Variants in ABCC9 observed in about 807,000 individuals in gnomAD.
ABCC9 encodes ATP-binding cassette sub-family C member 9.
A neutral mutation model predicts 188.3 loss-of-function variants in ABCC9; 95 were observed. That is an observed-to-expected ratio of 0.50 (90% confidence interval 0.43 to 0.60). The LOEUF (loss-of-function observed/expected upper bound fraction) is 0.60, where lower values mean the gene tolerates loss of function less well. Among genes scored for constraint, ABCC9 ranks in the 20% least tolerant of loss-of-function variants. The pLI is 0.00. For missense variants in ABCC9, 1,102 were observed against 1,876.3 expected (o/e 0.59, Z 7.62); for synonymous variants, 659 against 652.7 (o/e 1.01, Z -0.15).
intron 35 of ABCC9, among the ~76,000 whole-genome samples, chr12:21,813,311 T>A (rs980431529): frequency 2.6e-5 from 4 of 152,192 alleles, no homozygotes; most frequent in African/African-American, 9.6e-5. Context: ...GTTAATCCTA[T>A]CACTTTTGTG....
At chr12:21,828,917 C>G in intron 31 of ABCC9, 41 bp downstream of exon 31, 1 of 1,526,562 alleles carries the variant, frequency 6.6e-7, no homozygotes, top group Non-Finnish European at 9.1e-7. Context: ...CAGGCGTCTT[C>G]TCTATTTGGT....
In ABCC9 at chr12:21,902,641, AC is replaced by A. The variant is rs1025468320; in HGVS notation, c.1618+3484del. Among the ~76,000 whole-genome samples, 29 of 152,332 alleles carry A rather than the reference AC, an allele frequency of 1.9e-4. No homozygotes were observed. The East Asian group carries it at 4.0e-3, about 21-fold the overall frequency. On this transcript the variant is annotated intron_variant, in intron 12 of 39. Transcript: ENST00000261200. Reference sequence around the variant, plus strand: ...CACTGATCCCACAGAAATACAAACTACCATCAGAGAATACTATAAACACCTC... The same window carrying A: ...CACTGATCCCACAGAAATACAAACTACATCAGAGAATACTATAAACACCTC...
In ABCC9 at chr12:21,908,762, C is replaced by T. The variant is rs148475341; in HGVS notation, c.1321-551G>A. 5.9e-5 allele frequency among the ~76,000 whole-genome samples: 9 copies of T among 152,038 alleles called. No homozygotes were observed. The East Asian group carries it at 1.7e-3, about 29-fold the overall frequency. Reference sequence around the variant, plus strand: ...CAGAAATCACTTACTGACAAGAAGGCTGACGGTAACTAAAACTGTTAAAAA... The same window carrying T: ...CAGAAATCACTTACTGACAAGAAGGTTGACGGTAACTAAAACTGTTAAAAA... On this transcript the variant is annotated intron_variant, in intron 10 of 39. Coordinates refer to ENST00000261200, the MANE Select transcript of ABCC9 (RefSeq NM_020297.4).
At chr12:21,883,831 A>G (rs1264438444) in intron 15 of ABCC9, among the ~76,000 whole-genome samples, 1 of 152,134 alleles carries the variant, frequency 6.6e-6, no homozygotes, top group East Asian at 1.9e-4. Flanking sequence ...TAGTCAATGG[A>G]CTAAAACATC....
rs961216689 is a variant in ABCC9 at position 21,925,795 on chromosome 12, T to C, written c.406+147A>G. The C allele has an allele frequency of 1.5e-4, 137 of 886,308 alleles. No individual in the cohort carries two copies. The East Asian group carries it at 3.1e-3, about 20-fold the overall frequency. 54.9% of individuals were successfully genotyped at this position (886,308 alleles called of 1,614,324 possible). A position where few individuals can be genotyped will look rare whatever the true frequency, so the allele number is the denominator to read the frequency against. ...TTCAACCCCACATTTACTGGGCAGC[T>C]ACAGGAGAATTAATCACTGGTTTTC... On this transcript the variant is annotated intron_variant, in intron 5 of 39. Coordinates refer to ENST00000261200, the MANE Select transcript of ABCC9 (RefSeq NM_020297.4).
chr12:21,910,498 C>T (rs999673786), intron 9 of ABCC9, among the ~76,000 whole-genome samples, 186 bp from the exon 10 acceptor site: 2 of 151,840 alleles, frequency 1.3e-5, no homozygotes, highest in Non-Finnish European at 2.9e-5. Context: ...TATTTTCAGT[C>T]CTTAACCAAA....
chr12:21,840,378 A>G (rs1044849504), intron 29 of ABCC9, among the ~76,000 whole-genome samples: 3 of 152,224 alleles, frequency 2.0e-5, no homozygotes, highest in African/African-American at 2.4e-5. Flanking sequence ...AGAATAGCGT[A>G]CAATCCATTG....
intron 12 of ABCC9, among the ~76,000 whole-genome samples, chr12:21,902,077 C>G (rs924059633): frequency 4.6e-5 from 7 of 152,156 alleles, no homozygotes; most frequent in Admixed American, 1.3e-4. Flanking sequence ...TGTAAAAGAA[C>G]AGAAATTACA....
chr12:21,829,458 C>T (rs554119768), intron 30 of ABCC9, among the ~76,000 whole-genome samples: 3 of 152,222 alleles, frequency 2.0e-5, no homozygotes, highest in East Asian at 1.9e-4. Flanking sequence ...ACCTTGGCCT[C>T]CCAAAGTGCT....
intron 4 of ABCC9, among the ~76,000 whole-genome samples, chr12:21,931,365 A>T (rs187116885): frequency 1.1e-4 from 17 of 152,034 alleles, no homozygotes; most frequent in African/African-American, 3.1e-4. Flanking sequence ...AGCCATGTGG[A>T]ATTATGAGTC....
At chr12:21,915,225 A>ATG (rs377233626) in intron 7 of ABCC9, among the ~76,000 whole-genome samples, 6,513 of 129,086 alleles carry the variant, frequency 0.05, 246 homozygotes, top group African/African-American at 0.089. Flanking sequence ...TTATATATAT[A>ATG]TGTGTGTGTG....
rs969420645 is a variant in ABCC9, at chr12:21,887,859, A to T, written c.1878T>A (p.Leu626=). The stretch of plus-strand genomic sequence containing the variant: ...TGTGCTTCTTACAGGACTCAAAAGG[A>T]AGCGAACTTTCACCAGTTCGCCAAC... ...DDSWRTGESS[L]PFESCKKHTG... The change falls in exon 15 of 40, where the codon CTT becomes CTA. Residue 626 remains leucine (L), a synonymous_variant. Transcript: ENST00000261200. The T allele has an allele frequency of 6.2e-7, 1 of 1,613,492 alleles. No homozygotes were observed. Among genetic ancestry groups the T allele is most frequent in the Non-Finnish European group, 8.5e-7 (1 of 1,179,526 alleles).
chr12:21,915,512 A>ATTTTTTTTTTTTTT (rs1254915972), intron 7 of ABCC9, among the ~76,000 whole-genome samples, 156 bp downstream of exon 7: 3 of 380 alleles, frequency 7.9e-3, no homozygotes, highest in African/African-American at 0.01. Flanking sequence ...ATATATATAT[A>ATTTTTTTTTTTTTT]TATTTTTTTT....
intron 24 of ABCC9, among the ~76,000 whole-genome samples, chr12:21,851,402 C>G (rs1274669362): frequency 6.6e-6 from 1 of 152,114 alleles, no homozygotes; most frequent in Admixed American, 6.6e-5. Context: ...ATTGGTACCA[C>G]TTATTATATA....
At chr12:21,823,525 A>G (rs1245286205) in intron 31 of ABCC9, among the ~76,000 whole-genome samples, 1 of 152,022 alleles carries the variant, frequency 6.6e-6, no homozygotes, top group Non-Finnish European at 1.5e-5. Context: ...CACAAAATAG[A>G]CTCTTGTGCA....
chr12:21,910,095 T>A, intron 10 of ABCC9, 62 bp downstream of exon 10: 4 of 1,457,328 alleles, frequency 2.7e-6, no homozygotes, highest in Middle Eastern at 1.7e-4. Flanking sequence ...CTAAATACAT[T>A]ACTGCTTTTT....
chr12:21,833,571 C>A (rs1198772533), intron 30 of ABCC9, among the ~76,000 whole-genome samples: 1 of 152,094 alleles, frequency 6.6e-6, no homozygotes, highest in East Asian at 1.9e-4. Flanking sequence ...CTTCCTCATT[C>A]CCTTCACGAT....
chr12:21,859,504 T>TA (rs1945396400), intron 22 of ABCC9, 82 bp downstream of exon 22: 1 of 1,335,508 alleles, frequency 7.5e-7, no homozygotes, highest in Admixed American at 1.7e-5. Flanking sequence ...TTCCTTGAGT[T>TA]ACTTGACTTA....
intron 2 of ABCC9, among the ~76,000 whole-genome samples, chr12:21,939,321 C>G (rs1441629596): frequency 1.3e-5 from 2 of 152,170 alleles, no homozygotes; most frequent in Admixed American, 6.5e-5. Context: ...TATCCAACAT[C>G]CAGAGTCCAT....
Sources: allele counts gnomAD v4.1 joint callset (sites outside exome capture counted in the v4.1 genomes callset), GRCh38; gene constraint gnomAD v4.1.1; transcripts MANE v1.5; gene names NCBI Gene and HGNC (gene_info 2026-07-23, HGNC 2026-07-21).